The following KCTD20 variants were observed in gnomAD, a reference collection of about 807,000 sequenced individuals.
KCTD20 encodes the protein potassium channel tetramerization domain containing 20.
A neutral mutation model predicts 39.6 loss-of-function variants in KCTD20; 30 were observed. The observed-to-expected ratio is 0.76, with a 90% CI of 0.57 to 1.03. The LOEUF (loss-of-function observed/expected upper bound fraction) is 1.03, where lower values mean the gene tolerates loss of function less well. KCTD20 is among the 50% of genes least tolerant of loss of function. KCTD20 has a pLI of 0.00. For missense variants in KCTD20, 422 were observed against 522.0 expected (o/e 0.81, Z 1.87); for synonymous variants, 162 against 180.6 (o/e 0.90, Z 0.83).
Position 36,443,103 on chromosome 6 carries a change from G to C in KCTD20, c.-55G>C, listed in dbSNP as rs1424811746. On this transcript the variant is annotated 5_prime_UTR_variant, in exon 1 of 8. Transcript: ENST00000373731. The stretch of plus-strand genomic sequence containing the variant: ...GCCCCGAGCGGGACAGCGCGGCGGG[G>C]AGCGACGAGTAAGTGGCGGCGCGGT... The C allele has an allele frequency of 6.6e-6, 1 of 152,250 alleles. No individual in the cohort carries two copies. The highest frequency in any genetic ancestry group is 2.4e-5 in the African/African-American group (1 of 41,428). The allele number at this position is 152,250 out of a possible 1,614,324, so 9.4% of individuals were successfully genotyped here.
chr6:36,446,784 T>C (rs1037396435), intron 1 of KCTD20, among the ~76,000 whole-genome samples: 1 of 152,130 alleles, frequency 6.6e-6, no homozygotes, highest in African/African-American at 2.4e-5. Context: ...AAGAGGGCCT[T>C]TTGATGTTTT....
intron 1 of KCTD20, among the ~76,000 whole-genome samples, chr6:36,445,210 C>T (rs1462334653): frequency 2.1e-5 from 3 of 140,558 alleles, no homozygotes; most frequent in South Asian, 2.2e-4. Context: ...TGCAGTGAGC[C>T]GAGATCGCGC....
chr6:36,463,606 A>C (rs1775661626), intron 1 of KCTD20, among the ~76,000 whole-genome samples: 1 of 152,118 alleles, frequency 6.6e-6, no homozygotes, highest in African/African-American at 2.4e-5. Context: ...GGCCTTTAGG[A>C]GGTGATTAGG....
intron 2 of KCTD20, among the ~76,000 whole-genome samples, chr6:36,472,068 T>A (rs984268078): frequency 2.0e-5 from 3 of 152,204 alleles, no homozygotes; most frequent in African/African-American, 7.2e-5. Context: ...CAGGATGGTC[T>A]CGATCTCCTG....
Position 36,469,944 on chromosome 6 carries a change from T to C in KCTD20, c.-46-108T>C. The C allele has an allele frequency of 1.9e-6, 1 of 539,980 alleles. No individual in the cohort carries two copies. The highest frequency in any genetic ancestry group is 3.1e-6 in the Non-Finnish European group (1 of 323,786). 33.4% of individuals were successfully genotyped at this position (539,980 alleles called of 1,614,324 possible). On this transcript the variant is annotated intron_variant, in intron 1 of 7. Transcript: ENST00000373731. This position sits in a 1 kb window ranked among gnomAD's most constrained non-coding sequence, Gnocchi z 4.6. ...AAATGTTTAAGATGCCTATTTCTCC[T>C]GAGAACAGGAATGCTAGCTGTCAGT...
intron 6 of KCTD20, among the ~76,000 whole-genome samples, chr6:36,483,939 AT>A (rs148413365): frequency 0.012 from 1,688 of 135,838 alleles, 27 homozygotes; most frequent in African/African-American, 0.038. Flanking sequence ...GTGAGGCTGA[AT>A]TTTTTTTTTT....
intron 2 of KCTD20, among the ~76,000 whole-genome samples, chr6:36,472,312 T>C (rs749846515): frequency 1.4e-4 from 21 of 152,308 alleles, no homozygotes; most frequent in Non-Finnish European, 2.6e-4. Context: ...TATGAGAAGC[T>C]ATGGGATGGG....
chr6:36,475,356 G>C (rs1270040392), intron 3 of KCTD20, among the ~76,000 whole-genome samples: 3 of 151,932 alleles, frequency 2.0e-5, no homozygotes, highest in Non-Finnish European at 4.4e-5. Flanking sequence ...GGCTGAGGCA[G>C]GAGAATCGCC....
chr6:36,465,378 T>G (rs1277977754), intron 1 of KCTD20, among the ~76,000 whole-genome samples: 4 of 146,434 alleles, frequency 2.7e-5, no homozygotes, highest in Non-Finnish European at 4.5e-5. Context: ...TTCCAATTAG[T>G]TTTTTTTTGT....
At chr6:36,476,576 T>C (rs1167051255) in intron 3 of KCTD20, among the ~76,000 whole-genome samples, 1 of 151,834 alleles carries the variant, frequency 6.6e-6, no homozygotes, top group Non-Finnish European at 1.5e-5. Context: ...ATCACAGGTG[T>C]GTGCCACCAC....
intron 7 of KCTD20, among the ~76,000 whole-genome samples, chr6:36,485,059 A>G (rs1328042472): frequency 6.6e-6 from 1 of 152,228 alleles, no homozygotes; most frequent in African/African-American, 2.4e-5. Context: ...CAGGATAAAG[A>G]GCAGCAAGGG....
At chr6:36,465,929 G>A (rs909070812) in intron 1 of KCTD20, among the ~76,000 whole-genome samples, 2 of 152,146 alleles carry the variant, frequency 1.3e-5, no homozygotes, top group African/African-American at 4.8e-5. Context: ...CCTTTCCAAA[G>A]CAGTCTCTTC....
chr6:36,455,594 AGTGT>A (rs71737281), intron 1 of KCTD20, among the ~76,000 whole-genome samples: 10,250 of 149,898 alleles, frequency 0.068, 390 homozygotes, highest in South Asian at 0.13. Flanking sequence ...TAGAACCAGT[AGTGT>A]GTGTGTGTGT....
At chr6:36,454,334 T>C (rs1313627162) in intron 1 of KCTD20, among the ~76,000 whole-genome samples, 6 of 144,182 alleles carry the variant, frequency 4.2e-5, no homozygotes. Flanking sequence ...CCTAAAATAT[T>C]TACTTTATGG....
intron 1 of KCTD20, among the ~76,000 whole-genome samples, chr6:36,453,510 G>GT (rs1442360224): frequency 1.2e-4 from 18 of 144,904 alleles, no homozygotes; most frequent in African/African-American, 3.3e-4. Flanking sequence ...CTAATGTTTT[G>GT]TTTTTTGTTT....
intron 7 of KCTD20, among the ~76,000 whole-genome samples, chr6:36,486,603 C>T (rs773694587): frequency 6.6e-6 from 1 of 152,156 alleles, no homozygotes. Flanking sequence ...GGTTCCTGAA[C>T]TGGTAAGAGG....
intron 1 of KCTD20, among the ~76,000 whole-genome samples, chr6:36,450,607 T>C (rs115261582): frequency 0.013 from 1,936 of 152,328 alleles, 36 homozygotes; most frequent in African/African-American, 0.044. Flanking sequence ...CTTTACCTGT[T>C]CTTCAGAACC....
At chr6:36,463,465 C>T (rs1194343624) in intron 1 of KCTD20, among the ~76,000 whole-genome samples, 1 of 152,160 alleles carries the variant, frequency 6.6e-6, no homozygotes, top group East Asian at 1.9e-4. Context: ...TACACACATA[C>T]TTCCTTATGT....
At chr6:36,484,639 G>A (rs1776362039) in intron 6 of KCTD20, 75 bp from the exon 7 acceptor site, 3 of 698,674 alleles carry the variant, frequency 4.3e-6, no homozygotes, top group Admixed American at 2.4e-5. Context: ...TCCTTCATTA[G>A]TTTGATTTTG....
Sources: allele counts gnomAD v4.1 joint callset (sites outside exome capture counted in the v4.1 genomes callset), GRCh38; gene constraint gnomAD v4.1.1; non-coding constraint Gnocchi (gnomAD v3.1); transcripts MANE v1.5; gene names NCBI Gene and HGNC (gene_info 2026-07-23, HGNC 2026-07-21).